Variants in ANXA2 observed in about 807,000 individuals in gnomAD.
ANXA2 encodes annexin A2.
Under a neutral mutation model 47.3 loss-of-function variants are expected in ANXA2, and 28 were observed. The ratio of observed to expected loss-of-function variants is 0.59; its 90% CI spans 0.44 to 0.81. The LOEUF (loss-of-function observed/expected upper bound fraction) is 0.81, where lower values mean the gene tolerates loss of function less well. Ranked by LOEUF, ANXA2 falls within the 40% of genes least tolerant of loss-of-function variation. The pLI, the probability that ANXA2 is intolerant of heterozygous loss-of-function variation, is 0.00. For synonymous variants in ANXA2, 172 were observed against 155.5 expected (o/e 1.11, Z -0.79); for missense variants, 384 against 414.3 (o/e 0.93, Z 0.64).
At chr15:60,372,712 T>A (rs531566549) in intron 3 of ANXA2, among the ~76,000 whole-genome samples, 4 of 149,082 alleles carry the variant, frequency 2.7e-5, no homozygotes, top group African/African-American at 4.9e-5. Context: ...TTTTTTTTTT[T>A]AAACAGGGTC....
intron 3 of ANXA2, among the ~76,000 whole-genome samples, chr15:60,376,143 T>C (rs1035376514): frequency 5.9e-5 from 9 of 152,056 alleles, no homozygotes; most frequent in African/African-American, 1.4e-4. Context: ...TTTGGGAGGC[T>C]GAGGCAGGCG....
At chr15:60,379,018 C>T (rs538714807) in intron 3 of ANXA2, among the ~76,000 whole-genome samples, 1 of 151,460 alleles carries the variant, frequency 6.6e-6, no homozygotes, top group African/African-American at 2.4e-5. Context: ...CGGTGGCTCA[C>T]GGCTATAATC....
intron 3 of ANXA2, among the ~76,000 whole-genome samples, chr15:60,377,775 A>C (rs1310608917): frequency 3.9e-5 from 6 of 151,988 alleles, no homozygotes; most frequent in African/African-American, 1.2e-4. Context: ...AATGCCTTTT[A>C]TTTTTTCTTT....
At position 60,389,365 on chromosome 15, in the gene ANXA2, C is replaced by T. The variant is rs2062977159; in HGVS notation, c.-11-3279G>A. On this transcript the variant is annotated intron_variant, in intron 1 of 12. Transcript: ENST00000451270. Reference sequence around the variant, plus strand: ...GGTTCCGATGTTTAGAAAATCTCAACTAGAGGCACGGTAACTTTTCATTGT... The same window carrying T: ...GGTTCCGATGTTTAGAAAATCTCAATTAGAGGCACGGTAACTTTTCATTGT... 2.0e-5 allele frequency among the ~76,000 whole-genome samples: 3 copies of T among 152,188 alleles called. No homozygotes were observed. The South Asian group carries it at 6.2e-4, about 32-fold the overall frequency.
Position 60,352,548 on chromosome 15 carries a change from A to G in ANXA2, c.589-72T>C. On this transcript the variant is annotated intron_variant, in intron 8 of 12. Coordinates refer to ENST00000451270, the MANE Select transcript of ANXA2 (RefSeq NM_004039.3). The surrounding 1 kb of genome is among the most constrained non-coding windows in gnomAD (Gnocchi z 4.2). ...ACGTCAAAAAAAATGTCATGCAAAA[A>G]AAACAAAAAAAGCTACACATTCAAA... The G allele has an allele frequency of 2.7e-6, 3 of 1,113,772 alleles. No individual in the cohort carries two copies. Among genetic ancestry groups the G allele is most frequent in the Non-Finnish European group, 4.0e-6 (3 of 750,424 alleles). The allele number at this position is 1,113,772 out of a possible 1,614,324, so 69.0% of individuals were successfully genotyped here.
chr15:60,351,038 C>T (rs556567391), intron 11 of ANXA2, among the ~76,000 whole-genome samples, 155 bp downstream of exon 11: 4 of 152,348 alleles, frequency 2.6e-5, no homozygotes, highest in Non-Finnish European at 4.4e-5. Flanking sequence ...GTGGTTCTCT[C>T]AGCTGTCACA....
At chr15:60,395,318 A>G (rs1399385888) in intron 1 of ANXA2, among the ~76,000 whole-genome samples, 2 of 152,206 alleles carry the variant, frequency 1.3e-5, no homozygotes, top group East Asian at 3.8e-4. Flanking sequence ...CCTAGTGCTC[A>G]TAACTATGAG....
chr15:60,364,682 T>A (rs1194347599), intron 3 of ANXA2, among the ~76,000 whole-genome samples, 159 bp from the exon 4 acceptor site: 4 of 152,208 alleles, frequency 2.6e-5, no homozygotes, highest in Non-Finnish European at 5.9e-5. Flanking sequence ...TTCGTCAGCA[T>A]CCTCTACCCA....
rs188620828 is a variant in ANXA2 at position 60,364,595 on chromosome 15, G to C, written c.149-72C>G. The C allele has an allele frequency of 2.0e-5, 24 of 1,211,982 alleles. No homozygotes were observed. The East Asian group carries it at 3.2e-4, about 16-fold the overall frequency. 75.1% of individuals were successfully genotyped at this position (1,211,982 alleles called of 1,614,324 possible). A position where few individuals can be genotyped will look rare whatever the true frequency, so the allele number is the denominator to read the frequency against. The stretch of plus-strand genomic sequence containing the variant: ...TTTGGGCTTACATAGAAGGTGTCAA[G>C]CAGACTTTTTCAAACTGAAATTTAT... On this transcript the variant is annotated intron_variant, in intron 3 of 12. Transcript: ENST00000451270.
intron 1 of ANXA2, among the ~76,000 whole-genome samples, chr15:60,394,358 C>T (rs945248811): frequency 5.9e-5 from 9 of 152,110 alleles, no homozygotes; most frequent in Admixed American, 6.6e-5. Flanking sequence ...AAAACTCAGG[C>T]CACTTGGGTG....
At chr15:60,373,607 G>A (rs1595690584) in intron 3 of ANXA2, among the ~76,000 whole-genome samples, 2 of 152,290 alleles carry the variant, frequency 1.3e-5, no homozygotes, top group African/African-American at 2.4e-5. Flanking sequence ...CAGATGCCAG[G>A]GGAGGCCTCT....
chr15:60,349,645 G>A lies in ANXA2; in HGVS notation c.838-448C>T, dbSNP rs573438371. Reference sequence around the variant, plus strand: ...ACACCAAAATCTCAAAAATCACCACGAAAGAACTTATTCATGTAACCGAAC... The same window carrying A: ...ACACCAAAATCTCAAAAATCACCACAAAAGAACTTATTCATGTAACCGAAC... On this transcript the variant is annotated intron_variant, in intron 11 of 12. Coordinates refer to ENST00000451270, the MANE Select transcript of ANXA2 (RefSeq NM_004039.3). Among the ~76,000 whole-genome samples, 12 of 151,546 alleles carry A rather than the reference G, an allele frequency of 7.9e-5. No individual in the cohort carries two copies. In the South Asian group the frequency reaches 1.3e-3, roughly 16 times the overall value.
At chr15:60,388,237 G>A (rs7350765) in intron 1 of ANXA2, among the ~76,000 whole-genome samples, 119,643 of 152,100 alleles carry the variant, frequency 0.79, 47,827 homozygotes, top group East Asian at 1. Flanking sequence ...TAGCAGAACC[G>A]TCCAATACAG....
chr15:60,360,910 T>C (rs767972296), intron 5 of ANXA2, 31 bp downstream of exon 5: 9 of 1,361,806 alleles, frequency 6.6e-6, no homozygotes, highest in Non-Finnish European at 9.4e-6. Flanking sequence ...AATAGCAGAT[T>C]TGACAGAGAT....
chr15:60,364,406 T>TCC, intron 4 of ANXA2, 23 bp downstream of exon 4: 1 of 1,588,452 alleles, frequency 6.3e-7, no homozygotes, highest in South Asian at 1.1e-5. Context: ...AGAAATGCCC[T>TCC]CCATCCCTGG....
At chr15:60,348,971 A>T (rs1595656872) in intron 12 of ANXA2, 104 bp downstream of exon 12, 1 of 1,377,604 alleles carries the variant, frequency 7.3e-7, no homozygotes, top group East Asian at 2.3e-5. Context: ...CCAGAGAGTC[A>T]GAAAACAGAA....
chr15:60,357,154 T>A lies in ANXA2; in HGVS notation c.440A>T (p.Tyr147Phe), dbSNP rs771828399. Residue 147 changes from tyrosine (Y) to phenylalanine (F), a missense_variant, in exon 6 of 13, where the codon TAC becomes TTC. By Grantham distance (22) the Tyr-to-Phe change is conservative. Coordinates refer to ENST00000451270, the MANE Select transcript of ANXA2 (RefSeq NM_004039.3). ...GAAATCAAGCTACTCACTTTCCTTG[T>A]AGACTCTGTTAATTTCCTGCAGCTC... ...NQELQEINRV[Y>F]KEMYKTDLEK... is the part of the protein sequence containing the mutation. The A allele has an allele frequency of 1.9e-6, 3 of 1,613,924 alleles. No individual in the cohort carries two copies. Among genetic ancestry groups the A allele is most frequent in the East Asian group, 4.5e-5 (2 of 44,884 alleles).
intron 3 of ANXA2, among the ~76,000 whole-genome samples, chr15:60,380,373 C>T (rs1415055221): frequency 6.6e-6 from 1 of 151,624 alleles, no homozygotes; most frequent in Non-Finnish European, 1.5e-5. Context: ...CCTGGGCTCA[C>T]ATACGCTCTC....
intron 3 of ANXA2, among the ~76,000 whole-genome samples, chr15:60,373,847 T>C (rs769889518): frequency 3.3e-5 from 5 of 152,236 alleles, no homozygotes; most frequent in Admixed American, 6.5e-5. Flanking sequence ...GGCCCCTGCC[T>C]GCATTTGAAT....
Sources: gnomAD v4.1 joint callset for allele counts (sites outside exome capture counted in the v4.1 genomes callset) on GRCh38, gnomAD v4.1.1 for gene constraint, Gnocchi (gnomAD v3.1) non-coding constraint, MANE v1.5 for transcripts, NCBI Gene and HGNC (gene_info 2026-07-23, HGNC 2026-07-21) for gene names.